Variants in SNTG1 observed in about 807,000 individuals in gnomAD.
SNTG1 encodes gamma-1-syntrophin.
SNTG1 carries 39 observed loss-of-function variants against 74.7 expected under a neutral mutation model. That is an observed-to-expected ratio of 0.52 (90% confidence interval 0.40 to 0.68). SNTG1 has a LOEUF of 0.68. SNTG1 is among the 30% of genes least tolerant of loss of function. The probability of loss-of-function intolerance (pLI) is 0.00; values close to 1 mark genes in which losing one functional copy is unlikely to be tolerated. For synonymous variants in SNTG1, 254 were observed against 217.1 expected, an observed-to-expected ratio of 1.17 and a Z score of -1.49; for missense variants, 685 against 609.5, an observed-to-expected ratio of 1.12 and a Z score of -1.30.
intron 2 of SNTG1, among the ~76,000 whole-genome samples, chr8:50,344,735 G>A (rs1477975038): frequency 6.6e-6 from 1 of 152,108 alleles, no homozygotes; most frequent in African/African-American, 2.4e-5. Flanking sequence ...TTCTCACATT[G>A]GAATTCTTGA....
At chr8:50,026,939 C>G (rs753435962) in intron 1 of SNTG1, among the ~76,000 whole-genome samples, 32 of 152,138 alleles carry the variant, frequency 2.1e-4, no homozygotes, top group Non-Finnish European at 3.4e-4. Flanking sequence ...GCTTGCTTGA[C>G]AGTGCTGCTT....
At chr8:50,258,573 T>G (rs2086995611) in intron 2 of SNTG1, among the ~76,000 whole-genome samples, 1 of 151,966 alleles carries the variant, frequency 6.6e-6, no homozygotes, top group African/African-American at 2.4e-5. Context: ...CTAGAGAATA[T>G]CAACAAAAAT....
intron 1 of SNTG1, among the ~76,000 whole-genome samples, chr8:50,050,021 C>T (rs961377960): frequency 6.6e-6 from 1 of 151,458 alleles, no homozygotes; most frequent in African/African-American, 2.4e-5. Flanking sequence ...TTGAAATCAA[C>T]AATCTAATCT....
intron 1 of SNTG1, among the ~76,000 whole-genome samples, chr8:50,062,048 G>GT (rs939089928): frequency 6.6e-6 from 1 of 151,838 alleles, no homozygotes. Context: ...GAATTTTTGT[G>GT]TTTTTTTGTT....
At chr8:50,196,810 A>C (rs1026512199) in intron 2 of SNTG1, among the ~76,000 whole-genome samples, 1 of 151,510 alleles carries the variant, frequency 6.6e-6, no homozygotes, top group African/African-American at 2.4e-5. Context: ...TACAAAAAAA[A>C]AAAAACAAAA....
At chr8:50,273,230 C>G (rs372425265) in intron 2 of SNTG1, among the ~76,000 whole-genome samples, 2 of 152,144 alleles carry the variant, frequency 1.3e-5, no homozygotes, top group Admixed American at 1.3e-4. Context: ...ATAAAAGCAG[C>G]CTTCAGAATA....
At chr8:50,094,127 G>A (rs1287464417) in intron 1 of SNTG1, among the ~76,000 whole-genome samples, 1 of 152,074 alleles carries the variant, frequency 6.6e-6, no homozygotes, top group Non-Finnish European at 1.5e-5. Flanking sequence ...TTGGGAGTGT[G>A]CAGGGAGGGT....
Position 49,987,649 on chromosome 8 carries a change from C to T in SNTG1, c.-103+75418C>T, listed in dbSNP as rs1178676685. ...GATTTTTTCCTTTAATTAAATTAAC[C>T]TTTTTTTTTTTTTTTTTGAAACGGA... On this transcript the variant is annotated intron_variant, in intron 1 of 18. Transcript: ENST00000642720. Among the ~76,000 whole-genome samples, 8 of 131,532 alleles carry T rather than the reference C, an allele frequency of 6.1e-5. No individual in the cohort carries two copies. The South Asian group carries it at 7.2e-4, about 12-fold the overall frequency. The allele number at this position is 131,532 out of a possible 152,430, so 86.3% of individuals were successfully genotyped here.
chr8:50,505,179 A>G (rs997150004), intron 9 of SNTG1, among the ~76,000 whole-genome samples: 1 of 152,174 alleles, frequency 6.6e-6, no homozygotes, highest in Admixed American at 6.6e-5. Flanking sequence ...TTCCTATTTA[A>G]GAATGAATAA....
intron 10 of SNTG1, among the ~76,000 whole-genome samples, chr8:50,534,422 C>G (rs892223683): frequency 1.3e-5 from 2 of 152,092 alleles, no homozygotes; most frequent in South Asian, 2.1e-4. Flanking sequence ...TTTACCCAAG[C>G]CTGCCACACA....
intron 15 of SNTG1, among the ~76,000 whole-genome samples, chr8:50,703,756 T>C (rs1253569802): frequency 6.6e-6 from 1 of 152,108 alleles, no homozygotes; most frequent in African/African-American, 2.4e-5. Flanking sequence ...ACAAGAGTAA[T>C]GCATTGCTCT....
intron 1 of SNTG1, among the ~76,000 whole-genome samples, chr8:49,965,828 T>C (rs1405495804): frequency 6.6e-6 from 1 of 152,210 alleles, no homozygotes; most frequent in Non-Finnish European, 1.5e-5. Context: ...CAAATGTCAT[T>C]TCTACTAATT....
intron 10 of SNTG1, among the ~76,000 whole-genome samples, chr8:50,534,528 C>T (rs192447877): frequency 8.5e-5 from 13 of 152,336 alleles, no homozygotes; most frequent in Non-Finnish European, 1.9e-4. Context: ...CGCCTGCAAT[C>T]CCAGCACTTT....
intron 1 of SNTG1, among the ~76,000 whole-genome samples, chr8:50,155,747 A>C (rs2082233761): frequency 6.6e-6 from 1 of 152,032 alleles, no homozygotes; most frequent in African/African-American, 2.4e-5. Context: ...TTCACTCTAT[A>C]GGGCCATCTG....
intron 17 of SNTG1, among the ~76,000 whole-genome samples, chr8:50,731,610 C>T (rs980133009): frequency 3.3e-5 from 5 of 152,070 alleles, no homozygotes; most frequent in Non-Finnish European, 7.4e-5. Context: ...ACTCAACACT[C>T]TCCTGTCTGG....
Position 50,794,747 on chromosome 8 carries a change from T to C in SNTG1, c.*1918T>C, listed in dbSNP as rs540526504. ...GAGCTGAATCTCAGTGTGCCCCATA[T>C]TGGGGTTACATGAATGTGTCCACAA... On this transcript the variant is annotated 3_prime_UTR_variant, in exon 19 of 19. Transcript: ENST00000642720. 20 of 152,146 alleles carry C rather than the reference T, an allele frequency of 1.3e-4. No individual in the cohort carries two copies. The highest frequency in any genetic ancestry group is 2.5e-4 in the Non-Finnish European group (17 of 67,948). The allele number at this position is 152,146 out of a possible 1,614,324, so 9.4% of individuals were successfully genotyped here. A position where few individuals can be genotyped will look rare whatever the true frequency, so the allele number is the denominator to read the frequency against.
At chr8:49,990,785 A>G (rs7833377) in intron 1 of SNTG1, among the ~76,000 whole-genome samples, 15,935 of 152,156 alleles carry the variant, frequency 0.1, 1,228 homozygotes, top group South Asian at 0.2. Context: ...CATAACAAAC[A>G]TAACTCAAAA....
At chr8:50,504,787 T>C (rs1008420886) in intron 9 of SNTG1, among the ~76,000 whole-genome samples, 4 of 152,198 alleles carry the variant, frequency 2.6e-5, no homozygotes, top group African/African-American at 7.2e-5. Context: ...AAATAATTAA[T>C]TAAAATAAAT....
intron 1 of SNTG1, among the ~76,000 whole-genome samples, chr8:50,048,564 C>T (rs1474720030): frequency 6.6e-6 from 1 of 152,038 alleles, no homozygotes; most frequent in African/African-American, 2.4e-5. Context: ...ATTTTCAGCA[C>T]TATATTTATC....
Sources: allele counts gnomAD v4.1 joint callset (sites outside exome capture counted in the v4.1 genomes callset), GRCh38; gene constraint gnomAD v4.1.1; transcripts MANE v1.5; gene names NCBI Gene and HGNC (gene_info 2026-07-23, HGNC 2026-07-21).